THSD7B: variants seen among roughly 807,000 people sequenced by gnomAD.
THSD7B encodes the protein thrombospondin type 1 domain containing 7B, also known as thrombospondin type-1 domain-containing protein 7B.
Under a neutral mutation model 213.6 loss-of-function variants are expected in THSD7B, and 138 were observed. The ratio of observed to expected loss-of-function variants is 0.65; its 90% CI spans 0.56 to 0.74. The LOEUF (loss-of-function observed/expected upper bound fraction) is 0.74. Ranked by LOEUF, THSD7B falls within the 30% of genes least tolerant of loss-of-function variation. The probability of loss-of-function intolerance (pLI) is 0.00; values close to 1 mark genes in which losing one functional copy is unlikely to be tolerated. For missense variants in THSD7B, 1,931 were observed against 1,991.5 expected (o/e 0.97, Z 0.58); for synonymous variants, 742 against 687.0 (o/e 1.08, Z -1.25).
chr2:137,126,155 G>A (rs182287295), intron 5 of THSD7B, among the ~76,000 whole-genome samples: 293 of 152,218 alleles, frequency 1.9e-3, no homozygotes, highest in African/African-American at 6.6e-3. Context: ...CAGCTGCATC[G>A]GCCCCTAATG....
rs1458517145 is a variant in THSD7B, at chr2:137,349,057, G to C, written c.2501-56556G>C. Among the ~76,000 whole-genome samples, 4 of 151,464 alleles carry C rather than the reference G, an allele frequency of 2.6e-5. No individual in the cohort carries two copies. In the East Asian group the frequency reaches 7.8e-4, roughly 29 times the overall value. ...TGTGTGAGTATGCATATATGTAACT[G>C]TTTCCATAAATTGGGATAAAGTTAG... is the stretch of plus-strand genomic sequence containing the variant. On this transcript the variant is annotated intron_variant, in intron 12 of 27. Transcript: ENST00000409968.
intron 7 of THSD7B, among the ~76,000 whole-genome samples, chr2:137,184,549 A>G (rs1363984085): frequency 2.0e-5 from 3 of 152,158 alleles, no homozygotes; most frequent in African/African-American, 7.2e-5. Context: ...AAATAATGAA[A>G]TTTATATATC....
intron 5 of THSD7B, among the ~76,000 whole-genome samples, chr2:137,151,581 A>G (rs1679820711): frequency 6.6e-6 from 1 of 152,118 alleles, no homozygotes. Flanking sequence ...TACCTCCTGA[A>G]GGACCTGCCT....
At chr2:137,188,840 G>T (rs537336104) in intron 7 of THSD7B, among the ~76,000 whole-genome samples, 1 of 152,092 alleles carries the variant, frequency 6.6e-6, no homozygotes, top group South Asian at 2.1e-4. Flanking sequence ...ATGGATATTA[G>T]CCATACCAGG....
chr2:137,534,428 A>AT lies in THSD7B; in HGVS notation c.3139-28786dup, dbSNP rs201696545. 8.7e-3 allele frequency among the ~76,000 whole-genome samples: 1,317 copies of AT among 151,556 alleles called. 15 individuals carry two copies. The highest frequency in any genetic ancestry group is 8.8e-3 in the Non-Finnish European group (599 of 67,748). ...AAGTTCCAGGACAGTGAATATATATATTTTTTTCCATTTTTTCTCTGAGGA... is the reference window on the plus strand; with the variant it reads ...AAGTTCCAGGACAGTGAATATATATATTTTTTTTCCATTTTTTCTCTGAGGA... On this transcript the variant is annotated intron_variant, in intron 15 of 27. Transcript: ENST00000409968.
intron 1 of THSD7B, among the ~76,000 whole-genome samples, chr2:136,850,877 G>T (rs551233313): frequency 6.6e-6 from 1 of 151,924 alleles, no homozygotes; most frequent in East Asian, 1.9e-4. Flanking sequence ...AAGCCCTAGT[G>T]TTTATATGTC....
intron 15 of THSD7B, among the ~76,000 whole-genome samples, chr2:137,525,535 A>G (rs1173518628): frequency 6.6e-6 from 1 of 152,184 alleles, no homozygotes; most frequent in Non-Finnish European, 1.5e-5. Flanking sequence ...ACTCAGGAAT[A>G]CATTTTAAAA....
intron 2 of THSD7B, among the ~76,000 whole-genome samples, chr2:136,995,803 A>G (rs1352857333): frequency 6.6e-6 from 1 of 152,164 alleles, no homozygotes; most frequent in Non-Finnish European, 1.5e-5. Flanking sequence ...AGCTTGTCGA[A>G]GGTAGAATTT....
chr2:137,251,514 T>A (rs1457929894), intron 10 of THSD7B, among the ~76,000 whole-genome samples: 1 of 152,178 alleles, frequency 6.6e-6, no homozygotes, highest in East Asian at 1.9e-4. Flanking sequence ...TAGTTACTGT[T>A]TTCAACCATA....
At chr2:137,364,596 A>G (rs922208996) in intron 12 of THSD7B, among the ~76,000 whole-genome samples, 30 of 152,214 alleles carry the variant, frequency 2.0e-4, no homozygotes, top group Non-Finnish European at 3.4e-4. Context: ...CCTATACAGC[A>G]ATGACAAACA....
chr2:136,844,046 C>T (rs894244845), intron 1 of THSD7B, among the ~76,000 whole-genome samples: 3 of 152,160 alleles, frequency 2.0e-5, no homozygotes, highest in African/African-American at 7.2e-5. Context: ...AAGCAATGTT[C>T]TTCCAACCCC....
intron 7 of THSD7B, among the ~76,000 whole-genome samples, chr2:137,224,657 A>G (rs75166779): frequency 1.3e-3 from 193 of 152,252 alleles, no homozygotes; most frequent in African/African-American, 4.4e-3. Flanking sequence ...TCAAATTGTT[A>G]GCTACTATTA....
rs1299890799 is a variant in THSD7B at position 137,546,415 on chromosome 2, T to TTA, written c.3139-16798_3139-16797dup. 9.8e-4 allele frequency among the ~76,000 whole-genome samples: 25 copies of TTA among 25,518 alleles called. 1 individual carries two copies. Among genetic ancestry groups the TTA allele is most frequent in the African/African-American group, 4.7e-3 (19 of 4,028 alleles). 16.7% of individuals were successfully genotyped at this position (25,518 alleles called of 152,430 possible). A position where few individuals can be genotyped will look rare whatever the true frequency, so the allele number is the denominator to read the frequency against. On this transcript the variant is annotated intron_variant, in intron 15 of 27. Coordinates refer to ENST00000409968, the MANE Select transcript of THSD7B (RefSeq NM_001316349.2). ...ATATATTATATATATTATATATATATTATATATATTATATATATATTATAT... is the reference window on the plus strand; with the variant it reads ...ATATATTATATATATTATATATATATTATATATATATTATATATATATTATAT...
In THSD7B at chr2:137,618,463, G is replaced by A. The variant is rs1198346568; in HGVS notation, c.3637G>A (p.Val1213Met). 3.1e-6 allele frequency: 5 copies of A among 1,613,770 alleles called. No individual in the cohort carries two copies. In the Admixed American group the frequency reaches 6.7e-5, roughly 22 times the overall value. Reference sequence around the variant, plus strand: ...CGTCAGGACCCGCCTGCTAAGCTGTGTGTGCAGTGATGGCAAGCCAGTCAG... The same window carrying A: ...CGTCAGGACCCGCCTGCTAAGCTGTATGTGCAGTGATGGCAAGCCAGTCAG... ...QGVRTRLLSC[V>M]CSDGKPVSMD... Residue 1213 changes from valine (V) to methionine (M), a missense_variant, in exon 19 of 28, where the codon GTG becomes ATG. Val to Met is a conservative substitution (Grantham distance 21). Coordinates refer to ENST00000409968, the MANE Select transcript of THSD7B (RefSeq NM_001316349.2).
intron 7 of THSD7B, among the ~76,000 whole-genome samples, chr2:137,204,323 T>C (rs1196212997): frequency 6.6e-6 from 1 of 152,130 alleles, no homozygotes; most frequent in African/African-American, 2.4e-5. Flanking sequence ...CCTTAGTCTT[T>C]CAGTTGAGAA....
intron 7 of THSD7B, among the ~76,000 whole-genome samples, chr2:137,173,216 C>T (rs907939252): frequency 2.6e-5 from 4 of 152,012 alleles, no homozygotes; most frequent in African/African-American, 9.7e-5. Flanking sequence ...ATTATTCTAC[C>T]CGGTCCTGAA....
At chr2:137,318,009 G>A (rs1684166435) in intron 12 of THSD7B, among the ~76,000 whole-genome samples, 1 of 152,092 alleles carries the variant, frequency 6.6e-6, no homozygotes, top group African/African-American at 2.4e-5. Context: ...CTCCATATTA[G>A]TTACATCATA....
At chr2:137,263,274 T>C (rs1240331106) in intron 10 of THSD7B, among the ~76,000 whole-genome samples, 2 of 151,774 alleles carry the variant, frequency 1.3e-5, no homozygotes, top group African/African-American at 2.4e-5. Flanking sequence ...TATATATATA[T>C]ACACACACAT....
intron 9 of THSD7B, 42 bp downstream of exon 9, chr2:137,233,175 A>G: frequency 6.5e-7 from 1 of 1,538,616 alleles, no homozygotes; most frequent in Non-Finnish European, 8.9e-7. Context: ...TGCTTATTTC[A>G]TGTTGAGTAT....
Sources: allele counts gnomAD v4.1 joint callset (sites outside exome capture counted in the v4.1 genomes callset), GRCh38; gene constraint gnomAD v4.1.1; transcripts MANE v1.5; gene names NCBI Gene and HGNC (gene_info 2026-07-23, HGNC 2026-07-21).